The following MTHFD1 variants were observed in gnomAD, a reference collection of about 807,000 sequenced individuals.
The protein encoded by MTHFD1 is methylenetetrahydrofolate dehydrogenase, cyclohydrolase and formyltetrahydrofolate synthetase 1.
Under a neutral mutation model 110.3 loss-of-function variants are expected in MTHFD1, and 44 were observed. The observed-to-expected ratio is 0.40, with a 90% confidence interval of 0.31 to 0.51. The LOEUF is 0.51. Among genes scored for constraint, MTHFD1 ranks in the 20% least tolerant of loss-of-function variants. MTHFD1 has a pLI of 0.60. For missense variants in MTHFD1, 909 were observed against 1,173.1 expected (o/e 0.77, Z 3.29); for synonymous variants, 402 against 428.8 (o/e 0.94, Z 0.77).
intron 10 of MTHFD1, 63 bp downstream of exon 10, chr14:64,425,890 T>G: frequency 6.3e-7 from 1 of 1,579,840 alleles, no homozygotes; most frequent in Middle Eastern, 1.7e-4. Flanking sequence ...TGACAGATAC[T>G]GTGGGTTCAC....
intron 23 of MTHFD1, chr14:64,448,529 G>A: frequency 6.9e-6 from 4 of 576,776 alleles, no homozygotes; most frequent in Non-Finnish European, 1.2e-5. Flanking sequence ...GCTCCTATGG[G>A]CCCTTTTCCT....
intron 14 of MTHFD1, 58 bp downstream of exon 14, chr14:64,431,697 T>C (rs2078161733): frequency 6.3e-7 from 1 of 1,596,034 alleles, no homozygotes; most frequent in Non-Finnish European, 8.6e-7. Context: ...TTGAACCATC[T>C]GAATTAGTGT....
At chr14:64,452,080 A>G (rs2078382523) in intron 24 of MTHFD1, among the ~76,000 whole-genome samples, 1 of 152,274 alleles carries the variant, frequency 6.6e-6, no homozygotes, top group Non-Finnish European at 1.5e-5. Flanking sequence ...TGGATCACCT[A>G]AGGTCAGGAG....
chr14:64,452,125 G>A (rs564594331), intron 24 of MTHFD1, among the ~76,000 whole-genome samples: 59 of 152,200 alleles, frequency 3.9e-4, no homozygotes, highest in Non-Finnish European at 6.3e-4. Context: ...GTGAAACTCC[G>A]TCTCTACTAA....
intron 2 of MTHFD1, among the ~76,000 whole-genome samples, chr14:64,406,828 T>G (rs910364889): frequency 2.6e-5 from 4 of 152,152 alleles, no homozygotes; most frequent in South Asian, 2.1e-4. Context: ...TAATTCAAAT[T>G]GTTTGTTTAT....
rs1400686494 is a variant in MTHFD1, at chr14:64,425,749, A to G, written c.875A>G (p.Lys292Arg). Residue 292 changes from lysine (K) to arginine (R), a missense_variant, in exon 10 of 28, where the codon AAG becomes AGG. Lys to Arg is a conservative substitution (Grantham distance 26, BLOSUM62 2). This residue lies in a region of MTHFD1 where 424 missense variants were observed against 510.4 expected (regional missense o/e 0.83). Coordinates refer to ENST00000652337, the MANE Select transcript of MTHFD1 (RefSeq NM_005956.4). ...GCTTAGAGCACAGTAGAGAGTGCCAAGCGTTTCCTGGAGAAATTTAAGCCA... is the reference window on the plus strand; with the variant it reads ...GCTTAGAGCACAGTAGAGAGTGCCAGGCGTTTCCTGGAGAAATTTAAGCCA... ...MLMQSTVESA[K>R]RFLEKFKPGK... 2 of 1,612,964 alleles carry G rather than the reference A, an allele frequency of 1.2e-6. No individual in the cohort carries two copies. The highest frequency in any genetic ancestry group is 1.1e-5 in the South Asian group (1 of 91,036).
At chr14:64,400,661 C>A (rs144138053) in intron 1 of MTHFD1, 132 bp from the exon 2 acceptor site, 1 of 697,878 alleles carries the variant, frequency 1.4e-6, no homozygotes, top group Non-Finnish European at 2.6e-6. Context: ...GTACTCCCAG[C>A]CTGGGTGACA....
rs910954088 is a variant in MTHFD1, at chr14:64,423,542, C to T, written c.728-1262C>T. On this transcript the variant is annotated intron_variant, in intron 8 of 27. Transcript: ENST00000652337. ...CTGAGCAGCTGGGATTACAGGTGCCCGCTACCAAGCCCAGCTGATTTTTTA... is the reference window on the plus strand; with the variant it reads ...CTGAGCAGCTGGGATTACAGGTGCCTGCTACCAAGCCCAGCTGATTTTTTA... 7.9e-5 allele frequency among the ~76,000 whole-genome samples: 12 copies of T among 151,698 alleles called. 1 individual carries two copies. Among genetic ancestry groups the T allele is most frequent in the Admixed American group, 2.6e-4 (4 of 15,244 alleles).
At chr14:64,434,999 G>T (rs1303202729) in intron 15 of MTHFD1, among the ~76,000 whole-genome samples, 5 of 140,882 alleles carry the variant, frequency 3.5e-5, no homozygotes, top group Non-Finnish European at 7.6e-5. Context: ...ACCCAGGCTG[G>T]AGTGCAGTGG....
At chr14:64,431,464 G>C in intron 13 of MTHFD1, 68 bp from the exon 14 acceptor site, 1 of 1,341,904 alleles carries the variant, frequency 7.5e-7, no homozygotes, top group Non-Finnish European at 1.1e-6. Flanking sequence ...ATTGAGCTTT[G>C]CAATAGAATG....
rs1428459168 is a variant in MTHFD1, at chr14:64,448,321, A to T, written c.2279+4A>T. The stretch of plus-strand genomic sequence containing the variant: ...TAGTGGCCGTGAATGCATTCAAGTA[A>T]GTGTAGAGTGTAAGCGAAAAGGATG... On this transcript the variant is annotated splice_donor_region_variant and intron_variant, in intron 23 of 27. Coordinates refer to ENST00000652337, the MANE Select transcript of MTHFD1 (RefSeq NM_005956.4). 1 of 1,595,202 alleles carries T rather than the reference A, an allele frequency of 6.3e-7. No individual in the cohort carries two copies. The highest frequency in any genetic ancestry group is 8.6e-7 in the Non-Finnish European group (1 of 1,162,802).
At chr14:64,411,977 A>G (rs2077988885) in intron 3 of MTHFD1, among the ~76,000 whole-genome samples, 1 of 151,824 alleles carries the variant, frequency 6.6e-6, no homozygotes, top group African/African-American at 2.4e-5. Flanking sequence ...AAGATAACAT[A>G]GACAGAATTG....
intron 1 of MTHFD1, among the ~76,000 whole-genome samples, chr14:64,392,612 T>C (rs2077815616): frequency 6.6e-6 from 1 of 152,210 alleles, no homozygotes; most frequent in Non-Finnish European, 1.5e-5. Flanking sequence ...GTAAGCTCGC[T>C]GTGGATGGTA....
intron 13 of MTHFD1, among the ~76,000 whole-genome samples, chr14:64,431,076 C>CTTTTTT (rs369540665): frequency 2.2e-5 from 3 of 135,366 alleles, no homozygotes; most frequent in South Asian, 2.4e-4. Flanking sequence ...TTTTCTTTTT[C>CTTTTTT]TTTTTTTTTT....
rs189388438 is a variant in MTHFD1, at chr14:64,434,291, C to T, written c.1495-1278C>T. On this transcript the variant is annotated intron_variant, in intron 15 of 27. Transcript: ENST00000652337. ...CTGTGATAAGAACTGTTTGCAAGGC[C>T]TGTAATCCCAGCACTTTGGGAGGCC... 1.4e-3 allele frequency among the ~76,000 whole-genome samples: 209 copies of T among 152,290 alleles called. 3 individuals are homozygous for T. Among genetic ancestry groups the T allele is most frequent in the Non-Finnish European group, 1.6e-4 (11 of 68,034 alleles).
intron 25 of MTHFD1, 140 bp downstream of exon 25, chr14:64,454,001 G>A: frequency 1.4e-6 from 1 of 697,330 alleles, no homozygotes; most frequent in South Asian, 1.5e-5. Context: ...GAAATACTGA[G>A]TTTGGATTAG....
At chr14:64,425,679 A>T in intron 9 of MTHFD1, 51 bp from the exon 10 acceptor site, 1 of 1,443,538 alleles carries the variant, frequency 6.9e-7, no homozygotes, top group Non-Finnish European at 9.7e-7. Context: ...AACTGAGGTG[A>T]GGATTAAAAT....
chr14:64,448,226 C>A lies in MTHFD1; in HGVS notation c.2188C>A (p.Leu730Met), dbSNP rs2078311005. The A allele has an allele frequency of 1.2e-6, 2 of 1,613,478 alleles. No individual in the cohort carries two copies. Among genetic ancestry groups the A allele is most frequent in the African/African-American group, 1.3e-5 (1 of 74,972 alleles). The change falls in exon 23 of 28, where the codon CTG becomes ATG. Residue 730 changes from leucine (L) to methionine (M), a missense_variant. By Grantham distance (15) the Leu-to-Met change is conservative. Transcript: ENST00000652337. ...PKAYIQENLE[L>M]VEKGFSNLKK... ...ACTGTTGTTTTTACAGAACCTGGAG[C>A]TGGTTGAAAAAGGCTTCAGTAACTT... is the stretch of plus-strand genomic sequence containing the variant.
intron 1 of MTHFD1, among the ~76,000 whole-genome samples, chr14:64,389,913 T>G (rs531971093): frequency 6.6e-6 from 1 of 152,216 alleles, no homozygotes; most frequent in African/African-American, 2.4e-5. Context: ...ATAATAATAG[T>G]GCAGATAATT....
Sources: gnomAD v4.1 joint callset for allele counts (sites outside exome capture counted in the v4.1 genomes callset) on GRCh38, gnomAD v4.1.1 for gene constraint, gnomAD v4.1.1 regional missense constraint, MANE v1.5 for transcripts, NCBI Gene and HGNC (gene_info 2026-07-23, HGNC 2026-07-21) for gene names.